The following TNR variants were observed in gnomAD, a reference collection of about 807,000 sequenced individuals.
The protein encoded by TNR is tenascin-R.
A neutral mutation model predicts 150.4 loss-of-function variants in TNR; 45 were observed. The ratio of observed to expected loss-of-function variants is 0.30; its 90% confidence interval spans 0.24 to 0.38. The LOEUF is 0.38. Among genes scored for constraint, TNR ranks in the 10% least tolerant of loss-of-function variants. TNR has a pLI of 1.00. For synonymous variants in TNR, 687 were observed against 678.4 expected (o/e 1.01, Z -0.20); for missense variants, 1,544 against 1,759.1 (o/e 0.88, Z 2.19).
At chr1:175,515,327 A>T (rs1659361305) in intron 2 of TNR, among the ~76,000 whole-genome samples, 1 of 152,216 alleles carries the variant, frequency 6.6e-6, no homozygotes, top group South Asian at 2.1e-4. Context: ...GTGCTCCCGC[A>T]TATAGTATTG....
chr1:175,463,331 T>C (rs1403600656), intron 2 of TNR, among the ~76,000 whole-genome samples: 1 of 152,186 alleles, frequency 6.6e-6, no homozygotes, highest in East Asian at 1.9e-4. Context: ...ATAAGTATGC[T>C]TTTGCCAGCA....
In TNR at chr1:175,474,575, T is replaced by C. The variant is rs114801009; in HGVS notation, c.-64+53694A>G. ...CTAGCACAAGATCTCAAGCTTGAGATTGGAGCAGTGGGCTCTGAGCTCATT... is the reference window on the plus strand; with the variant it reads ...CTAGCACAAGATCTCAAGCTTGAGACTGGAGCAGTGGGCTCTGAGCTCATT... On this transcript the variant is annotated intron_variant, in intron 2 of 22. Transcript: ENST00000367674. 1.2e-3 allele frequency among the ~76,000 whole-genome samples: 177 copies of C among 152,354 alleles called. 1 individual carries two copies. Among genetic ancestry groups the C allele is most frequent in the African/African-American group, 4.2e-3 (174 of 41,586 alleles).
chr1:175,353,448 AG>A (rs1204803558), intron 18 of TNR, among the ~76,000 whole-genome samples: 1 of 152,234 alleles, frequency 6.6e-6, no homozygotes, highest in Non-Finnish European at 1.5e-5. Flanking sequence ...ATCCTTTAGC[AG>A]CGTTTTTCAA....
intron 1 of TNR, among the ~76,000 whole-genome samples, chr1:175,586,657 G>A (rs1426152808): frequency 2.6e-5 from 4 of 152,110 alleles, no homozygotes; most frequent in African/African-American, 9.7e-5. Flanking sequence ...TCAGTGTATA[G>A]GTGGCCCCCA....
intron 2 of TNR, among the ~76,000 whole-genome samples, chr1:175,407,707 C>T (rs1359570694): frequency 2.6e-5 from 4 of 152,204 alleles, no homozygotes; most frequent in East Asian, 3.9e-4. Flanking sequence ...TGTATTTGCA[C>T]TCAGCACAGA....
chr1:175,740,412 T>C (rs1343941987), intron 1 of TNR, among the ~76,000 whole-genome samples: 3 of 151,552 alleles, frequency 2.0e-5, no homozygotes, highest in Admixed American at 2.0e-4. Flanking sequence ...TTTTATTATA[T>C]ACAAATTATA....
intron 20 of TNR, among the ~76,000 whole-genome samples, chr1:175,334,348 C>G (rs1050038712): frequency 2.6e-5 from 4 of 152,154 alleles, no homozygotes; most frequent in African/African-American, 9.7e-5. Flanking sequence ...GAAACTGCTC[C>G]CCTCCTTTTT....
intron 2 of TNR, among the ~76,000 whole-genome samples, chr1:175,523,836 C>T (rs1448321170): frequency 6.6e-6 from 1 of 152,186 alleles, no homozygotes; most frequent in Non-Finnish European, 1.5e-5. Context: ...TAAAGTTTCT[C>T]AGGATCTCCA....
At chr1:175,477,751 C>G (rs898780996) in intron 2 of TNR, among the ~76,000 whole-genome samples, 6 of 152,234 alleles carry the variant, frequency 3.9e-5, no homozygotes, top group African/African-American at 1.4e-4. Flanking sequence ...AACGGAGGCA[C>G]ACATGTACAA....
At chr1:175,707,031 G>C (rs949529709) in intron 1 of TNR, among the ~76,000 whole-genome samples, 4 of 152,180 alleles carry the variant, frequency 2.6e-5, no homozygotes, top group African/African-American at 9.7e-5. Flanking sequence ...GTCATCCAGG[G>C]CCTACAGTCT....
At chr1:175,563,123 G>A (rs115665253) in intron 1 of TNR, among the ~76,000 whole-genome samples, 1,764 of 152,264 alleles carry the variant, frequency 0.012, 16 homozygotes, top group Non-Finnish European at 0.019. Flanking sequence ...ACATTGGCAC[G>A]GGCCTGAAAT....
intron 9 of TNR, among the ~76,000 whole-genome samples, chr1:175,379,249 G>T (rs1029507056): frequency 6.6e-6 from 1 of 151,552 alleles, no homozygotes; most frequent in African/African-American, 2.4e-5. Context: ...ATGTGAGGGG[G>T]TTATTGCAAT....
In TNR at chr1:175,729,531, C is replaced by T. The variant is rs931182774; in HGVS notation, c.-165+13695G>A. On this transcript the variant is annotated intron_variant, in intron 1 of 22. Coordinates refer to ENST00000367674, the MANE Select transcript of TNR (RefSeq NM_003285.3). ...GCAACGTCGAACTTCTGGCCTCTAA[C>T]GATCCCCTACCTCAACCTCCCAAAA... 5.3e-5 allele frequency among the ~76,000 whole-genome samples: 8 copies of T among 152,000 alleles called. No homozygotes were observed. The East Asian group carries it at 5.8e-4, about 11-fold the overall frequency.
intron 1 of TNR, among the ~76,000 whole-genome samples, chr1:175,557,416 A>T (rs1661207330): frequency 1.3e-5 from 2 of 152,240 alleles, no homozygotes; most frequent in Admixed American, 1.3e-4. Context: ...TCAGTTTCAA[A>T]GACTGTTTAG....
chr1:175,495,670 C>T (rs1247995935), intron 2 of TNR, among the ~76,000 whole-genome samples: 1 of 152,218 alleles, frequency 6.6e-6, no homozygotes, highest in African/African-American at 2.4e-5. Context: ...TGGGACCAAG[C>T]TCTGGGAATA....
At position 175,406,469 on chromosome 1, in the gene TNR, C is replaced by A. The variant is rs376591181; in HGVS notation, c.246G>T (p.Gly82=). The change falls in exon 3 of 23, where the codon GGG becomes GGT. Residue 82 remains glycine, a synonymous_variant. Coordinates refer to ENST00000367674, the MANE Select transcript of TNR (RefSeq NM_003285.3). ...CCTCCTGCTCAGCAGAGGCCTCTAG[C>A]CCTGAGGAGCAGAGGTTGTCCAAGG... ...NVPLDNLCSS[G]LEASAEQEVS... is the part of the protein sequence containing the mutation. 18 of 1,614,192 alleles carry A rather than the reference C, an allele frequency of 1.1e-5. No individual in the cohort carries two copies. Among genetic ancestry groups the A allele is most frequent in the Admixed American group, 1.7e-5 (1 of 60,026 alleles).
intron 1 of TNR, among the ~76,000 whole-genome samples, chr1:175,545,680 A>G (rs769582374): frequency 3.9e-5 from 6 of 152,218 alleles, no homozygotes; most frequent in Non-Finnish European, 7.3e-5. Context: ...AAGCAACTCT[A>G]TGAAGTAGGT....
At chr1:175,520,473 A>G (rs1306922729) in intron 2 of TNR, among the ~76,000 whole-genome samples, 2 of 152,158 alleles carry the variant, frequency 1.3e-5, no homozygotes, top group Non-Finnish European at 2.9e-5. Flanking sequence ...ATACTCGTAT[A>G]TTCACCCTGC....
intron 1 of TNR, among the ~76,000 whole-genome samples, chr1:175,546,616 G>T (rs774879654): frequency 2.0e-5 from 3 of 152,156 alleles, no homozygotes; most frequent in African/African-American, 7.2e-5. Flanking sequence ...CAAGAGTGGC[G>T]TGCCTTTCAG....
Sources: gnomAD v4.1 joint callset for allele counts (sites outside exome capture counted in the v4.1 genomes callset) on GRCh38, gnomAD v4.1.1 for gene constraint, MANE v1.5 for transcripts, NCBI Gene and HGNC (gene_info 2026-07-23, HGNC 2026-07-21) for gene names.